The following ATM variants were observed in gnomAD, a reference collection of about 807,000 sequenced individuals.
ATM encodes the protein ATM serine/threonine kinase.
In ATM, 308 loss-of-function variants were observed where a neutral mutation model predicts 387.0. That is an observed-to-expected ratio of 0.80 (90% CI 0.73 to 0.87). The LOEUF (loss-of-function observed/expected upper bound fraction) is 0.87, where lower values mean the gene tolerates loss of function less well. Ranked by LOEUF, ATM falls within the 40% of genes least tolerant of loss-of-function variation. The probability of loss-of-function intolerance (pLI) is 0.00; values close to 1 mark genes in which losing one functional copy is unlikely to be tolerated. For missense variants in ATM, 3,312 were observed against 3,560.9 expected (o/e 0.93, Z 1.78); for synonymous variants, 1,156 against 1,187.3 (o/e 0.97, Z 0.54).
chr11:108,266,231 A>T (rs1014287435), intron 16 of ATM, among the ~76,000 whole-genome samples: 1 of 150,916 alleles, frequency 6.6e-6, no homozygotes, highest in Non-Finnish European at 1.5e-5. Flanking sequence ...CTTGGAACCA[A>T]CCCAAATGTC....
intron 59 of ATM, among the ~76,000 whole-genome samples, chr11:108,351,621 T>C (rs1389336232): frequency 6.6e-6 from 1 of 152,196 alleles, no homozygotes; most frequent in Non-Finnish European, 1.5e-5. Context: ...AGCACTCCCA[T>C]GTGGCCTCTC....
chr11:108,233,258 A>C (rs1384926469), intron 4 of ATM, among the ~76,000 whole-genome samples: 2 of 152,208 alleles, frequency 1.3e-5, no homozygotes, highest in African/African-American at 2.4e-5. Flanking sequence ...GTTAAGTTCC[A>C]TAAGATTCCT....
At chr11:108,249,227 T>G in intron 9 of ATM, 125 bp downstream of exon 9, 1 of 1,099,612 alleles carries the variant, frequency 9.1e-7, no homozygotes, top group Non-Finnish European at 1.4e-6. Flanking sequence ...CCCAAACCTA[T>G]TACTAGCAAA....
intron 58 of ATM, 74 bp downstream of exon 58, chr11:108,345,982 T>C: frequency 6.5e-7 from 1 of 1,549,282 alleles, no homozygotes; most frequent in Non-Finnish European, 8.9e-7. Flanking sequence ...GATTCAGCAC[T>C]TTTTCTACAT....
At position 108,327,855 on chromosome 11, in the gene ATM, T is replaced by G. The variant is rs1050483522; in HGVS notation, c.7089+97T>G. On this transcript the variant is annotated intron_variant, in intron 48 of 62. Coordinates refer to ENST00000675843, the MANE Select transcript of ATM (RefSeq NM_000051.4). ...TATATTTCCAAAGCAAATAAAAGTA[T>G]GGTTTTATTTTTCTATATATTATTA... is the stretch of plus-strand genomic sequence containing the variant. 4.0e-6 allele frequency: 4 copies of G among 990,506 alleles called. No individual in the cohort carries two copies. In the African/African-American group the frequency reaches 6.5e-5, roughly 16 times the overall value. The allele number at this position is 990,506 out of a possible 1,614,324, so 61.4% of individuals were successfully genotyped here.
intron 20 of ATM, among the ~76,000 whole-genome samples, 186 bp downstream of exon 20, chr11:108,271,592 GC>G (rs1012061348): frequency 6.6e-6 from 1 of 152,124 alleles, no homozygotes; most frequent in African/African-American, 2.4e-5. Flanking sequence ...TTTGTTTAAG[GC>G]TTGGCTTTCT....
intron 15 of ATM, among the ~76,000 whole-genome samples, chr11:108,258,438 G>A (rs1437508403): frequency 6.6e-6 from 1 of 152,180 alleles, no homozygotes; most frequent in South Asian, 2.1e-4. Context: ...TGCGTAGCGG[G>A]GCTAGTGAGC....
intron 55 of ATM, among the ~76,000 whole-genome samples, chr11:108,335,603 T>C (rs2086751123): frequency 6.6e-6 from 1 of 152,074 alleles, no homozygotes; most frequent in Non-Finnish European, 1.5e-5. Flanking sequence ...TATGCCTTCC[T>C]AGGGGGGACT....
chr11:108,315,999 C>T lies in ATM; in HGVS notation c.6096-12C>T, dbSNP rs781200134. The T allele has an allele frequency of 1.2e-6, 2 of 1,613,410 alleles. No individual in the cohort carries two copies. The highest frequency in any genetic ancestry group is 2.7e-5 in the African/African-American group (2 of 74,912). The stretch of plus-strand genomic sequence containing the variant: ...TAAAACCCAAAGCTATTTTCACAAT[C>T]TTTTCTTATAGACTACGAACATATG... On this transcript the variant is annotated splice_polypyrimidine_tract_variant and intron_variant, in intron 41 of 62. Transcript: ENST00000675843.
Position 108,343,301 on chromosome 11 carries a change from A to G in ATM, c.8348A>G (p.Asn2783Ser), listed in dbSNP as rs2087826921. The change falls in exon 57 of 63, where the codon AAT becomes AGT. Residue 2783 changes from asparagine to serine, a missense_variant. Transcript: ENST00000675843. ...TVPIGEFLVN[N>S]EDGAHKRYRP... is the part of the protein sequence containing the mutation. ...CCCATTGGTGAATTTCTTGTTAACA[A>G]TGAAGATGGTGCTCATAAAAGATAC... is the stretch of plus-strand genomic sequence containing the variant. 2 of 1,614,070 alleles carry G rather than the reference A, an allele frequency of 1.2e-6. No homozygotes were observed. Among genetic ancestry groups the G allele is most frequent in the Non-Finnish European group, 8.5e-7 (1 of 1,179,944 alleles).
rs577094170 is a variant in ATM at position 108,323,908 on chromosome 11, G to A, written c.6573-1402G>A. On this transcript the variant is annotated intron_variant, in intron 45 of 62. Transcript: ENST00000675843. ...CAGAGATAAGAATTCATCTCGTTCT[G>A]TTAATCCAGACATTAAAGAGATTTG... 1.2e-4 allele frequency among the ~76,000 whole-genome samples: 19 copies of A among 152,224 alleles called. No homozygotes were observed. The South Asian group carries it at 3.3e-3, about 27-fold the overall frequency.
chr11:108,320,115 C>G, intron 44 of ATM, 57 bp downstream of exon 44: 1 of 1,336,442 alleles, frequency 7.5e-7, no homozygotes, highest in East Asian at 2.3e-5. Flanking sequence ...GGCTTCTTTT[C>G]TGAAAACTTG....
chr11:108,258,769 C>T (rs1183608545), intron 15 of ATM, among the ~76,000 whole-genome samples: 2 of 152,026 alleles, frequency 1.3e-5, no homozygotes, highest in African/African-American at 4.8e-5. Context: ...TCTTTAGGGT[C>T]AATAGCTGTT....
At chr11:108,237,158 T>G (rs1319230083) in intron 5 of ATM, among the ~76,000 whole-genome samples, 1 of 152,218 alleles carries the variant, frequency 6.6e-6, no homozygotes, top group Non-Finnish European at 1.5e-5. Context: ...AATAAATGCC[T>G]TCTCAGCTAA....
intron 48 of ATM, 123 bp downstream of exon 48, chr11:108,327,881 C>T (rs2085843511): frequency 2.4e-6 from 2 of 830,422 alleles, no homozygotes; most frequent in African/African-American, 1.7e-5. Context: ...TATATTATTA[C>T]TGTTGTAGCT....
At position 108,365,809 on chromosome 11, in the gene ATM, C is replaced by T. The variant is rs888303888; in HGVS notation, c.*301C>T. The T allele has an allele frequency of 8.0e-6, 3 of 373,946 alleles. No homozygotes were observed. The highest frequency in any genetic ancestry group is 8.3e-5 in the Admixed American group (2 of 23,982). The allele number at this position is 373,946 out of a possible 1,614,324, so 23.2% of individuals were successfully genotyped here. Reference sequence around the variant, plus strand: ...TGAGCGGATCACAAGGTCAGGAGTTCGAGACCAGCCTGGCCAAGAGACCAG... The same window carrying T: ...TGAGCGGATCACAAGGTCAGGAGTTTGAGACCAGCCTGGCCAAGAGACCAG... On this transcript the variant is annotated 3_prime_UTR_variant, in exon 63 of 63. Transcript: ENST00000675843.
chr11:108,284,369 T>C lies in ATM; in HGVS notation c.3889T>C (p.Tyr1297His), dbSNP rs775071209. ...AAAGATTCTTGTAAATATTCTTCCT[T>C]ATTTTGCCTATGAGGGTACCAGAGA... is the stretch of plus-strand genomic sequence containing the variant. Reference protein sequence around the residue: ...FPKILVNILPYFAYEGTRDSG... With the variant: ...FPKILVNILPHFAYEGTRDSG... Residue 1297 changes from tyrosine (Y) to histidine (H), a missense_variant, in exon 26 of 63, where the codon TAT becomes CAT. Around this residue, in one of 4 missense-constraint regions of ATM, gnomAD observed 1,791 missense variants for 1,804.5 expected, o/e 0.99. Coordinates refer to ENST00000675843, the MANE Select transcript of ATM (RefSeq NM_000051.4). The C allele has an allele frequency of 6.2e-7, 1 of 1,614,044 alleles. No individual in the cohort carries two copies. Among genetic ancestry groups the C allele is most frequent in the South Asian group, 1.1e-5 (1 of 91,080 alleles).
At position 108,244,783 on chromosome 11, in the gene ATM, C is replaced by T. The variant is rs1591503207; in HGVS notation, c.663-5C>T. 6.2e-7 allele frequency: 1 copy of T among 1,606,644 alleles called. No homozygotes were observed. The highest frequency in any genetic ancestry group is 2.2e-5 in the East Asian group (1 of 44,788). Reference sequence around the variant, plus strand: ...ACCCAGTTGAGCTTGTTTGTTTCTTCACAGACAAGAAAAGAGCTCTTCAGG... The same window carrying T: ...ACCCAGTTGAGCTTGTTTGTTTCTTTACAGACAAGAAAAGAGCTCTTCAGG... On this transcript the variant is annotated splice_region_variant and splice_polypyrimidine_tract_variant and intron_variant, in intron 6 of 62. Transcript: ENST00000675843.
At chr11:108,338,803 G>A (rs2087142109) in intron 56 of ATM, among the ~76,000 whole-genome samples, 1 of 152,158 alleles carries the variant, frequency 6.6e-6, no homozygotes, top group Admixed American at 6.5e-5. Context: ...ATGTTATTTT[G>A]AGATTACTCC....
Sources: gnomAD v4.1 joint callset for allele counts (sites outside exome capture counted in the v4.1 genomes callset) on GRCh38, gnomAD v4.1.1 for gene constraint, gnomAD v4.1.1 regional missense constraint, MANE v1.5 for transcripts, NCBI Gene and HGNC (gene_info 2026-07-23, HGNC 2026-07-21) for gene names.